The following LRRC7 variants were observed in gnomAD, a reference collection of about 807,000 sequenced individuals.
LRRC7 encodes leucine-rich repeat-containing protein 7.
A neutral mutation model predicts 175.7 loss-of-function variants in LRRC7; 23 were observed. The observed-to-expected ratio is 0.13, with a 90% CI of 0.09 to 0.19. The LOEUF is 0.19. Ranked by LOEUF, LRRC7 falls within the 10% of genes least tolerant of loss-of-function variation. LRRC7 has a pLI of 1.00. For missense variants in LRRC7, 1,354 were observed against 1,904.7 expected, an observed-to-expected ratio of 0.71 and a Z score of 5.38; for synonymous variants, 685 against 680.9, an observed-to-expected ratio of 1.01 and a Z score of -0.09.
At chr1:69,775,916 C>A (rs1292908414) in intron 3 of LRRC7, among the ~76,000 whole-genome samples, 3 of 152,072 alleles carry the variant, frequency 2.0e-5, no homozygotes, top group African/African-American at 7.2e-5. Context: ...AGAAAAGAAG[C>A]AAAGGATATG....
intron 1 of LRRC7, among the ~76,000 whole-genome samples, chr1:69,597,462 A>C (rs1186021730): frequency 6.6e-6 from 1 of 152,234 alleles, no homozygotes; most frequent in South Asian, 2.1e-4. Context: ...CTACTATTAC[A>C]TACGGTTTTC....
At chr1:69,907,157 T>G (rs1431348643) in intron 7 of LRRC7, among the ~76,000 whole-genome samples, 5 of 152,184 alleles carry the variant, frequency 3.3e-5, no homozygotes, top group African/African-American at 1.2e-4. Flanking sequence ...AAGGAGATTT[T>G]GGGCTGAGAC....
intron 3 of LRRC7, 45 bp downstream of exon 3, chr1:69,760,438 A>G (rs376416691): frequency 1.5e-5 from 23 of 1,498,660 alleles, no homozygotes; most frequent in Middle Eastern, 1.7e-4. Flanking sequence ...TGAGTATTTC[A>G]TAATTTTCAA....
rs368853003 is a variant in LRRC7 at position 69,752,345 on chromosome 1, A to G, written c.101-7846A>G. On this transcript the variant is annotated intron_variant, in intron 2 of 26. Transcript: ENST00000651989. ...ACTGTGCCAACTAATGAGGACAGCC[A>G]GGATATTTGTCACAAGAAATCTTGG... Among the ~76,000 whole-genome samples the G allele has an allele frequency of 4.4e-4, 67 of 152,306 alleles. 1 individual carries two copies. The South Asian group carries it at 0.013, about 30-fold the overall frequency.
intron 1 of LRRC7, among the ~76,000 whole-genome samples, chr1:69,669,256 A>G (rs1658711056): frequency 6.6e-6 from 1 of 152,152 alleles, no homozygotes; most frequent in South Asian, 2.1e-4. Flanking sequence ...CTGGCAGAAC[A>G]GATCTGGTGT....
intron 1 of LRRC7, among the ~76,000 whole-genome samples, chr1:69,570,616 T>G (rs565295669): frequency 6.6e-6 from 1 of 152,310 alleles, no homozygotes; most frequent in Non-Finnish European, 1.5e-5. Context: ...CCAGGCTTCC[T>G]TGAATTGGCT....
At chr1:69,838,422 G>C in intron 7 of LRRC7, 139 bp downstream of exon 7, 1 of 639,066 alleles carries the variant, frequency 1.6e-6, no homozygotes, top group Non-Finnish European at 2.9e-6. Context: ...AAAAAGTATG[G>C]TATACTGTAA....
intron 7 of LRRC7, among the ~76,000 whole-genome samples, chr1:69,856,682 G>T (rs919561891): frequency 1.3e-5 from 2 of 152,114 alleles, no homozygotes; most frequent in South Asian, 2.1e-4. Flanking sequence ...TCTACCAAAG[G>T]TACAAGGATG....
At position 70,023,199 on chromosome 1, in the gene LRRC7, A is replaced by G. The variant is rs1182270546; in HGVS notation, c.1619A>G (p.Asp540Gly). The stretch of plus-strand genomic sequence containing the variant: ...CTCCAACCTGCCAGACTGTCTGGCG[A>G]TTGCTGCACACCATGGGCCAGGTGT... Reference protein sequence around the residue: ...ITLQPARLSGDCCTPWARCDQ... With the variant: ...ITLQPARLSGGCCTPWARCDQ... The change falls in exon 17 of 27, where the codon GAT becomes GGT. Residue 540 changes from aspartate (D) to glycine (G), a missense_variant. Transcript: ENST00000651989. The G allele has an allele frequency of 1.3e-6, 2 of 1,594,438 alleles. No individual in the cohort carries two copies. The highest frequency in any genetic ancestry group is 1.7e-6 in the Non-Finnish European group (2 of 1,167,644).
intron 7 of LRRC7, among the ~76,000 whole-genome samples, chr1:69,892,296 A>G (rs1163980894): frequency 6.6e-6 from 1 of 152,174 alleles, no homozygotes; most frequent in Admixed American, 6.5e-5. Context: ...AAACAGTGGT[A>G]GAAATAAAAG....
At chr1:69,723,586 T>A (rs1240990747) in intron 2 of LRRC7, among the ~76,000 whole-genome samples, 5 of 152,202 alleles carry the variant, frequency 3.3e-5, no homozygotes, top group Non-Finnish European at 5.9e-5. Flanking sequence ...TCATTTCATA[T>A]GATATTAGAG....
chr1:69,893,921 T>C (rs747861155), intron 7 of LRRC7, among the ~76,000 whole-genome samples: 1 of 152,148 alleles, frequency 6.6e-6, no homozygotes, highest in South Asian at 2.1e-4. Flanking sequence ...GAGAAACTGA[T>C]GAACTGTGCA....
At chr1:70,042,943 A>G (rs965310575) in intron 21 of LRRC7, among the ~76,000 whole-genome samples, 1 of 152,136 alleles carries the variant, frequency 6.6e-6, no homozygotes, top group Non-Finnish European at 1.5e-5. Flanking sequence ...ACCTGCTGCT[A>G]ATGTTCAGTA....
intron 8 of LRRC7, among the ~76,000 whole-genome samples, chr1:69,949,836 T>C (rs573903728): frequency 1.3e-5 from 2 of 152,246 alleles, no homozygotes; most frequent in African/African-American, 4.8e-5. Flanking sequence ...AAACTTTTGG[T>C]ACTCATTAAA....
intron 1 of LRRC7, among the ~76,000 whole-genome samples, chr1:69,611,377 C>T (rs980140493): frequency 5.3e-5 from 8 of 151,762 alleles, no homozygotes; most frequent in African/African-American, 1.7e-4. Context: ...AATTCTAATT[C>T]GTGTTCTATC....
chr1:69,885,960 G>T (rs1687146629), intron 7 of LRRC7, among the ~76,000 whole-genome samples: 1 of 123,344 alleles, frequency 8.1e-6, no homozygotes, highest in African/African-American at 3.0e-5. Context: ...GTTCTAGTTT[G>T]ATTGCACTGT....
intron 1 of LRRC7, among the ~76,000 whole-genome samples, chr1:69,643,610 T>G (rs537236292): frequency 3.7e-4 from 56 of 152,244 alleles, no homozygotes; most frequent in African/African-American, 1.3e-3. Flanking sequence ...AAAGTTTTGC[T>G]CCTTGCTAGG....
intron 7 of LRRC7, among the ~76,000 whole-genome samples, chr1:69,848,768 A>G (rs1413099832): frequency 1.3e-5 from 2 of 152,102 alleles, no homozygotes; most frequent in African/African-American, 2.4e-5. Context: ...CTAAATTGCT[A>G]TAGTTTGCCA....
At chr1:70,072,221 A>G (rs1662442514) in intron 23 of LRRC7, among the ~76,000 whole-genome samples, 1 of 152,208 alleles carries the variant, frequency 6.6e-6, no homozygotes, top group African/African-American at 2.4e-5. Flanking sequence ...TCTTTTTACT[A>G]TTCAAAATGT....
Sources: allele counts gnomAD v4.1 joint callset (sites outside exome capture counted in the v4.1 genomes callset), GRCh38; gene constraint gnomAD v4.1.1; transcripts MANE v1.5; gene names NCBI Gene and HGNC (gene_info 2026-07-23, HGNC 2026-07-21).